LUC7L2: variants seen among roughly 807,000 people sequenced by gnomAD.
LUC7L2 encodes LUC7 like 2, pre-mRNA splicing factor, also known as putative RNA-binding protein Luc7-like 2.
Under a neutral mutation model 52.8 loss-of-function variants are expected in LUC7L2, and 25 were observed. The ratio of observed to expected loss-of-function variants is 0.47; its 90% CI spans 0.34 to 0.66. The LOEUF (loss-of-function observed/expected upper bound fraction) is 0.66, where lower values mean the gene tolerates loss of function less well. Ranked by LOEUF, LUC7L2 falls within the 30% of genes least tolerant of loss-of-function variation. The probability of loss-of-function intolerance (pLI) is 0.01; values close to 1 mark genes in which losing one functional copy is unlikely to be tolerated. For synonymous variants in LUC7L2, 144 were observed against 160.9 expected (o/e 0.89, Z 0.80); for missense variants, 328 against 497.8 (o/e 0.66, Z 3.25).
Position 139,365,639 on chromosome 7 carries a change from A to G in LUC7L2, c.61+5317A>G, listed in dbSNP as rs529875680. On this transcript the variant is annotated intron_variant, in intron 1 of 9. Coordinates refer to ENST00000354926, the MANE Select transcript of LUC7L2 (RefSeq NM_016019.5). ...GCAGATGGTTTAAAACTAAAGGTCA[A>G]TAAGTGGGCAAGACTAGTTAAATGA... is the stretch of plus-strand genomic sequence containing the variant. Among the ~76,000 whole-genome samples, 14 of 152,314 alleles carry G rather than the reference A, an allele frequency of 9.2e-5. No homozygotes were observed. In the East Asian group the frequency reaches 2.5e-3, roughly 27 times the overall value.
intron 1 of LUC7L2, among the ~76,000 whole-genome samples, chr7:139,372,392 G>C (rs1208392651): frequency 1.3e-5 from 2 of 152,102 alleles, no homozygotes; most frequent in East Asian, 3.8e-4. Context: ...TTTACTTACT[G>C]TTCCCCCAAA....
At chr7:139,395,197 C>G (rs567964101) in intron 2 of LUC7L2, among the ~76,000 whole-genome samples, 1 of 152,284 alleles carries the variant, frequency 6.6e-6, no homozygotes, top group Admixed American at 6.5e-5. Flanking sequence ...ATTTCAGAAA[C>G]GTACTGCCTG....
chr7:139,415,810 CTCTTTTT>C (rs1795571124), intron 8 of LUC7L2, among the ~76,000 whole-genome samples: 1 of 151,740 alleles, frequency 6.6e-6, no homozygotes, highest in Non-Finnish European at 1.5e-5. Flanking sequence ...GCCAGAAATA[CTCTTTTT>C]AAGTGTGGCT....
intron 9 of LUC7L2, among the ~76,000 whole-genome samples, chr7:139,418,860 A>G (rs1795747884): frequency 6.6e-6 from 1 of 152,132 alleles, no homozygotes; most frequent in Non-Finnish European, 1.5e-5. Context: ...GCTCACGCTT[A>G]TAATCCCAGC....
intron 2 of LUC7L2, among the ~76,000 whole-genome samples, chr7:139,378,727 A>T (rs1310623398): frequency 6.6e-6 from 1 of 152,242 alleles, no homozygotes; most frequent in East Asian, 1.9e-4. Flanking sequence ...ATTGACTGCT[A>T]AGAAGCCATA....
chr7:139,384,990 G>T (rs1401479180), intron 2 of LUC7L2, among the ~76,000 whole-genome samples: 1 of 145,930 alleles, frequency 6.9e-6, no homozygotes, highest in Non-Finnish European at 1.5e-5. Flanking sequence ...CAGGCTTATG[G>T]AGGTAGGTAA....
chr7:139,360,530 G>C (rs2131175121), intron 1 of LUC7L2, among the ~76,000 whole-genome samples: 1 of 152,324 alleles, frequency 6.6e-6, no homozygotes, highest in East Asian at 1.9e-4. Context: ...GGGAACTGCT[G>C]CCAATGGGGT....
At chr7:139,361,309 G>A (rs994107449) in intron 1 of LUC7L2, among the ~76,000 whole-genome samples, 1 of 152,174 alleles carries the variant, frequency 6.6e-6, no homozygotes, top group African/African-American at 2.4e-5. Context: ...TCTTTAGGCA[G>A]ATAGTTTCTT....
chr7:139,406,933 C>T (rs781193251), intron 5 of LUC7L2, among the ~76,000 whole-genome samples: 13 of 147,368 alleles, frequency 8.8e-5, no homozygotes, highest in Non-Finnish European at 1.3e-4. Flanking sequence ...TGGAGAGAGG[C>T]GCTAAGGATA....
chr7:139,414,123 G>T (rs1466333159), intron 8 of LUC7L2, among the ~76,000 whole-genome samples: 1 of 152,142 alleles, frequency 6.6e-6, no homozygotes, highest in South Asian at 2.1e-4. Context: ...TTAGTTCTCT[G>T]TGCTTGCCCA....
At chr7:139,357,158 A>G (rs1799629674), upstream of LUC7L2, among the ~76,000 whole-genome samples, 1 of 152,164 alleles carries the variant, frequency 6.6e-6, no homozygotes, top group African/African-American at 2.4e-5. Context: ...ATATAATAAA[A>G]TGAAACTTCC....
chr7:139,360,436 T>A (rs535120440), intron 1 of LUC7L2, 114 bp downstream of exon 1: 109 of 939,850 alleles, frequency 1.2e-4, no homozygotes, highest in Non-Finnish European at 1.7e-4. Flanking sequence ...GCTCCCAGAT[T>A]GGTAACACGA....
intron 7 of LUC7L2, among the ~76,000 whole-genome samples, chr7:139,410,364 T>A (rs1795309794): frequency 6.6e-6 from 1 of 152,198 alleles, no homozygotes; most frequent in Admixed American, 6.5e-5. Context: ...GAAGGGTTTT[T>A]TTTACATTGA....
At chr7:139,372,863 T>C (rs111354155) in intron 1 of LUC7L2, among the ~76,000 whole-genome samples, 4,259 of 152,330 alleles carry the variant, frequency 0.028, 102 homozygotes, top group African/African-American at 0.056. Context: ...GCTTGTCTTA[T>C]ATGCCCCTTT....
chr7:139,395,638 T>C (rs1462309192), intron 2 of LUC7L2, among the ~76,000 whole-genome samples: 1 of 152,090 alleles, frequency 6.6e-6, no homozygotes, highest in Non-Finnish European at 1.5e-5. Context: ...AGAAAAACAT[T>C]TTCTGTTTGT....
At chr7:139,360,755 A>G (rs1305157036) in intron 1 of LUC7L2, among the ~76,000 whole-genome samples, 1 of 152,082 alleles carries the variant, frequency 6.6e-6, no homozygotes, top group African/African-American at 2.4e-5. Context: ...CCTAGAGAGA[A>G]GCTTCCCCCT....
intron 2 of LUC7L2, among the ~76,000 whole-genome samples, chr7:139,395,162 C>A (rs537586179): frequency 6.6e-6 from 1 of 152,096 alleles, no homozygotes; most frequent in Non-Finnish European, 1.5e-5. Flanking sequence ...AAGTTGTTGG[C>A]GTGATTGATG....
intron 2 of LUC7L2, among the ~76,000 whole-genome samples, chr7:139,390,746 C>T (rs1276285830): frequency 4.0e-5 from 6 of 151,762 alleles, no homozygotes; most frequent in African/African-American, 1.5e-4. Context: ...TTAGTAGAGA[C>T]GGGATTTCAC....
upstream of LUC7L2, chr7:139,358,889 C>CA (rs1405554492): frequency 6.6e-6 from 1 of 152,222 alleles, no homozygotes; most frequent in Non-Finnish European, 1.5e-5. Flanking sequence ...CCATGTTGGC[C>CA]AGGCTGATCT....
Sources: gnomAD v4.1 joint callset for allele counts (sites outside exome capture counted in the v4.1 genomes callset) on GRCh38, gnomAD v4.1.1 for gene constraint, MANE v1.5 for transcripts, NCBI Gene and HGNC (gene_info 2026-07-23, HGNC 2026-07-21) for gene names.